Variants in JMJD1C observed in about 807,000 individuals in gnomAD.
JMJD1C encodes the protein jumonji domain-containing protein 1C.
JMJD1C carries 31 observed loss-of-function variants against 245.3 expected under a neutral mutation model. That is an observed-to-expected ratio of 0.13 (90% CI 0.09 to 0.17). The LOEUF (loss-of-function observed/expected upper bound fraction) is 0.17. JMJD1C is among the 10% of genes least tolerant of loss of function. The probability of loss-of-function intolerance (pLI) is 1.00; values close to 1 mark genes in which losing one functional copy is unlikely to be tolerated. For missense variants in JMJD1C, 2,691 were observed against 3,000.2 expected (o/e 0.90, Z 2.41); for synonymous variants, 1,057 against 1,017.4 (o/e 1.04, Z -0.74).
chr10:63,449,147 T>C (rs1951883543), intron 1 of JMJD1C, among the ~76,000 whole-genome samples: 4 of 152,000 alleles, frequency 2.6e-5, no homozygotes, highest in African/African-American at 9.7e-5. Context: ...TAAAATAAAA[T>C]GTAAAGGATT....
intron 1 of JMJD1C, among the ~76,000 whole-genome samples, chr10:63,393,436 A>G (rs1271880548): frequency 6.6e-6 from 1 of 152,208 alleles, no homozygotes; most frequent in African/African-American, 2.4e-5. Context: ...TATACTGTTG[A>G]CGGGAATATA....
At chr10:63,189,797 A>C (rs558988130) in intron 17 of JMJD1C, among the ~76,000 whole-genome samples, 499 of 152,182 alleles carry the variant, frequency 3.3e-3, no homozygotes, top group Non-Finnish European at 5.0e-3. Flanking sequence ...GCTGGTTTCA[A>C]ACTCCTGGGC....
rs1845190650 is a variant in JMJD1C at position 63,194,271 on chromosome 10, A to G, written c.5734+15T>C. 6.5e-7 allele frequency: 1 copy of G among 1,533,870 alleles called. No homozygotes were observed. Among genetic ancestry groups the G allele is most frequent in the Non-Finnish European group, 9.0e-7 (1 of 1,106,972 alleles). ...AACCAAGAGCAGTTATATTACATGAAGAAGATATACTTACCAGAACCAGGT... is the reference window on the plus strand; with the variant it reads ...AACCAAGAGCAGTTATATTACATGAGGAAGATATACTTACCAGAACCAGGT... On this transcript the variant is annotated intron_variant, in intron 14 of 25. Coordinates refer to ENST00000399262, the MANE Select transcript of JMJD1C (RefSeq NM_032776.3).
Position 63,207,058 on chromosome 10 carries a change from T to C in JMJD1C, c.4611A>G (p.Gln1537=), listed in dbSNP as rs368296796. The C allele has an allele frequency of 1.0e-4, 162 of 1,614,094 alleles. No individual in the cohort carries two copies. Among genetic ancestry groups the C allele is most frequent in the Non-Finnish European group, 1.3e-4 (157 of 1,180,042 alleles). ...AGTTTGGTTGACTTGTCTGGGAAGC[T>C]TGCCCATTTCCTACAGAGTTTGCTT... ...INKANSVGNG[Q]ASQTSQPNYH... The change falls in exon 10 of 26, where the codon CAA becomes CAG. Residue 1537 remains glutamine, a synonymous_variant. Coordinates refer to ENST00000399262, the MANE Select transcript of JMJD1C (RefSeq NM_032776.3).
chr10:63,487,881 C>G (rs534859747), intron 1 of JMJD1C, among the ~76,000 whole-genome samples: 16 of 152,288 alleles, frequency 1.1e-4, no homozygotes, highest in African/African-American at 3.6e-4. Flanking sequence ...TATGAACCAA[C>G]CAGGATGCTA....
chr10:63,517,121 CTT>C (rs1325773681), intron 1 of JMJD1C, among the ~76,000 whole-genome samples: 1 of 152,180 alleles, frequency 6.6e-6, no homozygotes, highest in Non-Finnish European at 1.5e-5. Context: ...AAAATGCTCT[CTT>C]AATAGAAATG....
intron 2 of JMJD1C, among the ~76,000 whole-genome samples, chr10:63,268,080 T>A (rs1257972193): frequency 6.6e-6 from 1 of 150,896 alleles, no homozygotes; most frequent in East Asian, 1.9e-4. Context: ...AGTCTTAGTT[T>A]CTAACAATCT....
In JMJD1C at chr10:63,173,620, G is replaced by T. The variant is rs542922323; in HGVS notation, c.7401+2677C>A. Among the ~76,000 whole-genome samples the T allele has an allele frequency of 8.5e-5, 13 of 152,202 alleles. 1 individual carries two copies. In the South Asian group the frequency reaches 2.7e-3, roughly 32 times the overall value. On this transcript the variant is annotated intron_variant, in intron 24 of 25. Coordinates refer to ENST00000399262, the MANE Select transcript of JMJD1C (RefSeq NM_032776.3). ...ATCTACAGTACTAGCTACTCAGGAG[G>T]GTGTGGTGGGGGGATCACTTGAACC...
At chr10:63,307,734 A>ACT (rs2134026631) in intron 2 of JMJD1C, among the ~76,000 whole-genome samples, 1 of 152,134 alleles carries the variant, frequency 6.6e-6, no homozygotes, top group East Asian at 1.9e-4. Flanking sequence ...CCCCTCCATG[A>ACT]CTCTGTACTA....
intron 1 of JMJD1C, among the ~76,000 whole-genome samples, chr10:63,390,991 G>C (rs1948008870): frequency 6.6e-6 from 1 of 152,144 alleles, no homozygotes; most frequent in South Asian, 2.1e-4. Context: ...GCAAGTCCTA[G>C]CCAGAGCAAT....
chr10:63,393,567 T>C (rs892691922), intron 1 of JMJD1C, among the ~76,000 whole-genome samples: 1 of 152,040 alleles, frequency 6.6e-6, no homozygotes, highest in African/African-American at 2.4e-5. Context: ...TATCAGCACA[T>C]CAAAGGGATA....
chr10:63,207,799 A>G lies in JMJD1C; in HGVS notation c.3870T>C (p.His1290=), dbSNP rs978230070. 40 of 1,613,998 alleles carry G rather than the reference A, an allele frequency of 2.5e-5. No homozygotes were observed. The highest frequency in any genetic ancestry group is 1.6e-4 in the Middle Eastern group (1 of 6,084). The change falls in exon 10 of 26, where the codon CAT becomes CAC. Residue 1290 remains histidine (H), a synonymous_variant. Transcript: ENST00000399262. ...GTAACTTTCCGCTGCTTTTCTCCAC[A>G]TGCCATTCAGTTTTCTCTTTGCTGA... The part of the protein sequence containing the change: ...NNLSKEKTEW[H]VEKSSGKLQA...
At chr10:63,406,530 C>A (rs2132629462) in intron 1 of JMJD1C, among the ~76,000 whole-genome samples, 1 of 152,058 alleles carries the variant, frequency 6.6e-6, no homozygotes, top group African/African-American at 2.4e-5. Flanking sequence ...AAAAAGGCTA[C>A]ACCAAGAGGT....
intron 2 of JMJD1C, among the ~76,000 whole-genome samples, chr10:63,321,871 T>G (rs1364825106): frequency 1.3e-5 from 2 of 152,230 alleles, no homozygotes; most frequent in Non-Finnish European, 2.9e-5. Flanking sequence ...AGCTTCTCTA[T>G]TCCACACACC....
rs1389917622 is a variant in JMJD1C, at chr10:63,380,352, C to A, written c.299G>T (p.Gly100Val). 6.2e-7 allele frequency: 1 copy of A among 1,613,978 alleles called. No individual in the cohort carries two copies. Residue 100 changes from glycine (G) to valine (V), a missense_variant, in exon 2 of 26, where the codon GGA becomes GTA. This residue lies in a region of JMJD1C where 172 missense variants were observed against 240.8 expected (regional missense o/e 0.71). Transcript: ENST00000399262. ...AKRNDPSQTQ[G>V]SKSKQIQWPA... Reference sequence around the variant, plus strand: ...CCACTGAATCTGTTTGCTCTTTGATCCCTGAGTCTGGCTAGGGTCATTCCT... The same window carrying A: ...CCACTGAATCTGTTTGCTCTTTGATACCTGAGTCTGGCTAGGGTCATTCCT...
rs190567095 is a variant in JMJD1C, at chr10:63,352,966, T to C, written c.333+27352A>G. On this transcript the variant is annotated intron_variant, in intron 2 of 25. Coordinates refer to ENST00000399262, the MANE Select transcript of JMJD1C (RefSeq NM_032776.3). The stretch of plus-strand genomic sequence containing the variant: ...AGTTCCACTAATGGAGGAATGGTAT[T>C]GTTCACAACACTGAACAAAACCAAT... Among the ~76,000 whole-genome samples the C allele has an allele frequency of 2.3e-3, 353 of 152,268 alleles. 4 individuals carry two copies. Among genetic ancestry groups the C allele is most frequent in the Admixed American group, 2.5e-3 (38 of 15,290 alleles).
chr10:63,179,783 G>T, intron 22 of JMJD1C, among the ~76,000 whole-genome samples: 1 of 132,944 alleles, frequency 7.5e-6, no homozygotes, highest in African/African-American at 3.0e-5. Flanking sequence ...CTTTAAAAAA[G>T]AAAAAAAAAA....
Position 63,214,301 on chromosome 10 carries a change from A to G in JMJD1C, c.1866T>C (p.Thr622=), listed in dbSNP as rs1461709316. The part of the protein sequence containing the change: ...KLHKRSPPPE[T]IKSKLNTSVD... ...CTGAAGTATTAAGTTTAGATTTTAT[A>G]GTCTCTGGAGGTGGACTTCGCTTAT... The change falls in exon 8 of 26, where the codon ACT becomes ACC. Residue 622 remains threonine, a synonymous_variant. Coordinates refer to ENST00000399262, the MANE Select transcript of JMJD1C (RefSeq NM_032776.3). 1 of 1,614,056 alleles carries G rather than the reference A, an allele frequency of 6.2e-7. No homozygotes were observed. Among genetic ancestry groups the G allele is most frequent in the Non-Finnish European group, 8.5e-7 (1 of 1,179,926 alleles).
At chr10:63,419,686 T>A (rs891335229) in intron 1 of JMJD1C, among the ~76,000 whole-genome samples, 6 of 152,042 alleles carry the variant, frequency 3.9e-5, no homozygotes, top group Non-Finnish European at 5.9e-5. Flanking sequence ...TAACCCAGAA[T>A]TAAGTCAGTT....
Sources: gnomAD v4.1 joint callset for allele counts (sites outside exome capture counted in the v4.1 genomes callset) on GRCh38, gnomAD v4.1.1 for gene constraint, gnomAD v4.1.1 regional missense constraint, MANE v1.5 for transcripts, NCBI Gene and HGNC (gene_info 2026-07-23, HGNC 2026-07-21) for gene names.